The following SLC35F1 variants were observed in gnomAD, a reference collection of about 807,000 sequenced individuals.
SLC35F1 encodes the protein solute carrier family 35 member F1.
In SLC35F1, 14 loss-of-function variants were observed where a neutral mutation model predicts 48.7. The ratio of observed to expected loss-of-function variants is 0.29; its 90% CI spans 0.19 to 0.45. SLC35F1 has a LOEUF of 0.45. SLC35F1 is among the 20% of genes least tolerant of loss of function. The probability of loss-of-function intolerance (pLI) is 1.00; values close to 1 mark genes in which losing one functional copy is unlikely to be tolerated. For synonymous variants in SLC35F1, 190 were observed against 202.2 expected (o/e 0.94, Z 0.51); for missense variants, 404 against 500.0 (o/e 0.81, Z 1.83).
intron 1 of SLC35F1, among the ~76,000 whole-genome samples, chr6:117,982,835 G>GT (rs887241528): frequency 3.0e-4 from 45 of 151,528 alleles, no homozygotes; most frequent in African/African-American, 9.2e-4. Context: ...AAAAAACGTA[G>GT]TTTTTTTTTC....
In SLC35F1 at chr6:117,907,651, C is replaced by A; in HGVS notation, c.-76C>A. ...CGGCCGCCCGGCCGGGTCCTCTGCG[C>A]GTTCCCGGGCCCGGAACCGGCACAC... On this transcript the variant is annotated 5_prime_UTR_variant, in exon 1 of 8. Transcript: ENST00000360388. 1.1e-6 allele frequency: 1 copy of A among 881,604 alleles called. No homozygotes were observed. The highest frequency in any genetic ancestry group is 1.6e-6 in the Non-Finnish European group (1 of 626,016). The allele number at this position is 881,604 out of a possible 1,614,324, so 54.6% of individuals were successfully genotyped here.
At chr6:117,922,104 C>CT (rs35880737) in intron 1 of SLC35F1, among the ~76,000 whole-genome samples, 1 of 152,134 alleles carries the variant, frequency 6.6e-6, no homozygotes, top group Non-Finnish European at 1.5e-5. Flanking sequence ...CTACAAAGTA[C>CT]TTTTTTTCTA....
At chr6:118,268,361 A>G (rs1775803902) in intron 4 of SLC35F1, among the ~76,000 whole-genome samples, 1 of 152,024 alleles carries the variant, frequency 6.6e-6, no homozygotes, top group Admixed American at 6.6e-5. Flanking sequence ...ACACAACACC[A>G]TCAGTCCCCA....
chr6:118,164,731 T>C (rs569297767), intron 2 of SLC35F1, among the ~76,000 whole-genome samples: 187 of 152,352 alleles, frequency 1.2e-3, no homozygotes, highest in Non-Finnish European at 1.6e-3. Context: ...ACCCTTAATT[T>C]GAATAAATTC....
intron 2 of SLC35F1, among the ~76,000 whole-genome samples, chr6:118,165,186 T>C (rs1774299581): frequency 6.6e-6 from 1 of 152,188 alleles, no homozygotes; most frequent in East Asian, 1.9e-4. Context: ...CCAGTGCTTG[T>C]TCTAGAGTTT....
At chr6:117,928,727 T>A (rs1380956201) in intron 1 of SLC35F1, among the ~76,000 whole-genome samples, 1 of 152,232 alleles carries the variant, frequency 6.6e-6, no homozygotes, top group East Asian at 1.9e-4. Flanking sequence ...CATTTTTTGC[T>A]TTTTGGAGAG....
intron 1 of SLC35F1, among the ~76,000 whole-genome samples, chr6:118,097,161 G>A (rs146207526): frequency 2.6e-4 from 39 of 152,126 alleles, no homozygotes; most frequent in Middle Eastern, 3.4e-3. Context: ...CCCAGGATAA[G>A]GCCACATTCT....
rs191941754 is a variant in SLC35F1 at position 118,016,713 on chromosome 6, G to A, written c.173+108814G>A. ...GCCTGGTAGTTAATATTTGCTTAGC[G>A]CTTGAATTAGTCAGCACTGGATTCT... On this transcript the variant is annotated intron_variant, in intron 1 of 7. Transcript: ENST00000360388. 2.0e-3 allele frequency among the ~76,000 whole-genome samples: 305 copies of A among 152,266 alleles called. 1 individual carries two copies. The highest frequency in any genetic ancestry group is 7.5e-3 in the Admixed American group (114 of 15,302).
intron 1 of SLC35F1, among the ~76,000 whole-genome samples, chr6:117,955,414 A>G (rs1431959458): frequency 6.6e-6 from 1 of 152,232 alleles, no homozygotes; most frequent in African/African-American, 2.4e-5. Context: ...GTTTGGAATC[A>G]AGACTGTCTA....
At chr6:118,266,179 C>T (rs1562344605) in intron 3 of SLC35F1, among the ~76,000 whole-genome samples, 1 of 152,170 alleles carries the variant, frequency 6.6e-6, no homozygotes. Flanking sequence ...AATCTGTACT[C>T]AAATTCAGGT....
chr6:118,086,542 A>G (rs1002880533), intron 1 of SLC35F1, among the ~76,000 whole-genome samples: 4 of 152,204 alleles, frequency 2.6e-5, no homozygotes, highest in Admixed American at 6.5e-5. Context: ...TTCTCACAAC[A>G]AAAAACTGAG....
At chr6:117,926,477 A>G (rs150089368) in intron 1 of SLC35F1, among the ~76,000 whole-genome samples, 3 of 152,216 alleles carry the variant, frequency 2.0e-5, no homozygotes, top group Non-Finnish European at 2.9e-5. Context: ...AGAGGAGGAC[A>G]TAGCCAGAAT....
chr6:118,217,818 C>T (rs938676551), intron 2 of SLC35F1, among the ~76,000 whole-genome samples: 1 of 152,132 alleles, frequency 6.6e-6, no homozygotes, highest in Non-Finnish European at 1.5e-5. Flanking sequence ...TAGGATATTG[C>T]AAGATCAGCT....
intron 7 of SLC35F1, among the ~76,000 whole-genome samples, chr6:118,313,591 G>A (rs1776395749): frequency 6.6e-6 from 1 of 152,210 alleles, no homozygotes; most frequent in Non-Finnish European, 1.5e-5. Flanking sequence ...CCCTGATGCA[G>A]CTGTCAGTGA....
At chr6:118,080,025 T>C (rs922118469) in intron 1 of SLC35F1, among the ~76,000 whole-genome samples, 15 of 152,318 alleles carry the variant, frequency 9.8e-5, no homozygotes, top group Non-Finnish European at 1.5e-4. Context: ...AAGCCTCTTA[T>C]TTTCAACAAA....
intron 1 of SLC35F1, among the ~76,000 whole-genome samples, chr6:118,112,087 T>A (rs1234509059): frequency 4.2e-4 from 6 of 14,426 alleles, no homozygotes; most frequent in Non-Finnish European, 2.6e-3. Context: ...TATTTCTTTC[T>A]TTTCTTTTCT....
In SLC35F1 at chr6:117,907,880, A is replaced by T; in HGVS notation, c.154A>T (p.Ile52Phe). 2 of 1,499,656 alleles carry T rather than the reference A, an allele frequency of 1.3e-6. No individual in the cohort carries two copies. Among genetic ancestry groups the T allele is most frequent in the Non-Finnish European group, 1.8e-6 (2 of 1,134,984 alleles). The allele number at this position is 1,499,656 out of a possible 1,614,324, so 92.9% of individuals were successfully genotyped here. The change falls in exon 1 of 8, where the codon ATC (isoleucine) becomes TTC (phenylalanine). Residue 52 changes from isoleucine to phenylalanine, a missense_variant. Coordinates refer to ENST00000360388, the MANE Select transcript of SLC35F1 (RefSeq NM_001029858.4). Reference sequence around the variant, plus strand: ...CTCCCGGGCTGGCGTGCGCCAGAGGATCCGCAAAGTGCTGAACAGGTGAGC... The same window carrying T: ...CTCCCGGGCTGGCGTGCGCCAGAGGTTCCGCAAAGTGCTGAACAGGTGAGC... ...ASSRAGVRQR[I>F]RKVLNREMLI...
chr6:118,226,649 C>T (rs2883848), intron 2 of SLC35F1, among the ~76,000 whole-genome samples: 142,167 of 152,286 alleles, frequency 0.93, 66,422 homozygotes, highest in East Asian at 0.98. Flanking sequence ...CATGGAACCT[C>T]AAAAAGTGGA....
chr6:117,907,919 G>T lies in SLC35F1; in HGVS notation c.173+20G>T. On this transcript the variant is annotated intron_variant, in intron 1 of 7. Transcript: ENST00000360388. ...GAACAGGTGAGCGGCGGCGCCGGGC[G>T]AGGGCGCGGGGGGCGGGGGCTGCGG... The T allele has an allele frequency of 7.6e-7, 1 of 1,308,788 alleles. No individual in the cohort carries two copies. Among genetic ancestry groups the T allele is most frequent in the Non-Finnish European group, 9.7e-7 (1 of 1,034,366 alleles). 81.1% of individuals were successfully genotyped at this position (1,308,788 alleles called of 1,614,324 possible). A position where few individuals can be genotyped will look rare whatever the true frequency, so the allele number is the denominator to read the frequency against.
Sources: allele counts gnomAD v4.1 joint callset (sites outside exome capture counted in the v4.1 genomes callset), GRCh38; gene constraint gnomAD v4.1.1; transcripts MANE v1.5; gene names NCBI Gene and HGNC (gene_info 2026-07-23, HGNC 2026-07-21).